Variants in SLC9A8 observed in about 807,000 individuals in gnomAD.
The protein encoded by SLC9A8 is sodium/hydrogen exchanger 8.
A neutral mutation model predicts 66.6 loss-of-function variants in SLC9A8; 48 were observed. The observed-to-expected ratio is 0.72, with a 90% CI of 0.57 to 0.92. The LOEUF is 0.92. SLC9A8 is among the 40% of genes least tolerant of loss of function. The probability of loss-of-function intolerance (pLI) is 0.00; values close to 1 mark genes in which losing one functional copy is unlikely to be tolerated. For missense variants in SLC9A8, 599 were observed against 747.3 expected (o/e 0.80, Z 2.31); for synonymous variants, 274 against 282.6 (o/e 0.97, Z 0.31).
intron 3 of SLC9A8, among the ~76,000 whole-genome samples, chr20:49,832,689 C>T (rs1371475534): frequency 1.3e-5 from 2 of 151,358 alleles, no homozygotes; most frequent in East Asian, 3.9e-4. Context: ...AGATGCCTGT[C>T]AGGTTTTTAG....
At position 49,874,691 on chromosome 20, in the gene SLC9A8, C is replaced by T. The variant is rs745651192; in HGVS notation, c.959-14C>T. The stretch of plus-strand genomic sequence containing the variant: ...ACACGGCAGTGCTTTCTGTTCTGTT[C>T]TCTCCCTCTCTAGGCATCATGGCCA... On this transcript the variant is annotated splice_polypyrimidine_tract_variant and intron_variant, in intron 10 of 15. Coordinates refer to ENST00000361573, the MANE Select transcript of SLC9A8 (RefSeq NM_015266.3). 2.0e-6 allele frequency: 3 copies of T among 1,490,128 alleles called. No homozygotes were observed. The highest frequency in any genetic ancestry group is 2.8e-6 in the Non-Finnish European group (3 of 1,067,156). The allele number at this position is 1,490,128 out of a possible 1,614,324, so 92.3% of individuals were successfully genotyped here.
At chr20:49,850,621 C>CT (rs1214849607) in intron 6 of SLC9A8, 189 bp from the exon 7 acceptor site, 4 of 600,484 alleles carry the variant, frequency 6.7e-6, no homozygotes, top group African/African-American at 3.7e-5. Flanking sequence ...TTTCCATACT[C>CT]TCGTTGCATG....
Position 49,812,869 on chromosome 20 carries a change from C to G in SLC9A8, c.-54C>G. On this transcript the variant is annotated 5_prime_UTR_variant, in exon 1 of 16. Transcript: ENST00000361573. ...CTCCAGCGGAAGCCGGAAGCAAAAG[C>G]GGGTCCTGCTAGCCCCGCGGCTCCG... 1 of 1,492,718 alleles carries G rather than the reference C, an allele frequency of 6.7e-7. No homozygotes were observed. The highest frequency in any genetic ancestry group is 1.5e-5 in the African/African-American group (1 of 68,728). The allele number at this position is 1,492,718 out of a possible 1,614,324, so 92.5% of individuals were successfully genotyped here. A position where few individuals can be genotyped will look rare whatever the true frequency, so the allele number is the denominator to read the frequency against.
At chr20:49,875,274 T>TAAAA (rs33958043) in intron 11 of SLC9A8, among the ~76,000 whole-genome samples, 1 of 123,276 alleles carries the variant, frequency 8.1e-6, no homozygotes, top group Non-Finnish European at 1.7e-5. Flanking sequence ...GCTATGATCT[T>TAAAA]AAAAAAAAAA....
At position 49,830,359 on chromosome 20, in the gene SLC9A8, G is replaced by A. The variant is rs537149161; in HGVS notation, c.289+7218G>A. On this transcript the variant is annotated intron_variant, in intron 3 of 15. Coordinates refer to ENST00000361573, the MANE Select transcript of SLC9A8 (RefSeq NM_015266.3). ...GATTTGTTCATCTAGGAGGGGGCCC[G>A]CCTGGGAAGAACCCCTGCTGAAGTC... The A allele has an allele frequency of 6.6e-4, 573 of 871,998 alleles. 3 individuals are homozygous for A. In the African/African-American group the frequency reaches 8.1e-3, roughly 12 times the overall value. The allele number at this position is 871,998 out of a possible 1,614,324, so 54.0% of individuals were successfully genotyped here.
chr20:49,829,658 G>C lies in SLC9A8; in HGVS notation c.289+6517G>C, dbSNP rs553186050. 1.9e-5 allele frequency: 9 copies of C among 467,076 alleles called. No homozygotes were observed. In the East Asian group the frequency reaches 4.5e-4, roughly 24 times the overall value. The allele number at this position is 467,076 out of a possible 1,614,324, so 28.9% of individuals were successfully genotyped here. ...AAGAGGAAATGATAAAGATTCACAAGGGTAAACTATTCCAGCAAGCGGTGG... is the reference window on the plus strand; with the variant it reads ...AAGAGGAAATGATAAAGATTCACAACGGTAAACTATTCCAGCAAGCGGTGG... On this transcript the variant is annotated intron_variant, in intron 3 of 15. Transcript: ENST00000361573.
intron 2 of SLC9A8, among the ~76,000 whole-genome samples, chr20:49,816,123 G>A (rs1340560970): frequency 6.6e-6 from 1 of 152,096 alleles, no homozygotes; most frequent in Non-Finnish European, 1.5e-5. Flanking sequence ...TTCACTCTCT[G>A]AAAACCTCAT....
Position 49,874,728 on chromosome 20 carries a change from G to C in SLC9A8, c.982G>C (p.Gly328Arg), listed in dbSNP as rs1329118844. ...LSGIMAILFS[G>R]IVMSHYTHHN... ...AGGCATCATGGCCATCCTTTTCTCA[G>C]GCATCGTGATGTCCCACTACACGCA... The change falls in exon 11 of 16, where the codon GGC (glycine) becomes CGC (arginine). Residue 328 changes from glycine (G) to arginine (R), a missense_variant. Coordinates refer to ENST00000361573, the MANE Select transcript of SLC9A8 (RefSeq NM_015266.3). 1 of 1,611,742 alleles carries C rather than the reference G, an allele frequency of 6.2e-7. No individual in the cohort carries two copies. The highest frequency in any genetic ancestry group is 8.5e-7 in the Non-Finnish European group (1 of 1,177,880).
chr20:49,831,333 CGAG>C lies in SLC9A8; in HGVS notation c.289+8197_289+8199del, dbSNP rs879226891. On this transcript the variant is annotated intron_variant, in intron 3 of 15. Coordinates refer to ENST00000361573, the MANE Select transcript of SLC9A8 (RefSeq NM_015266.3). The stretch of plus-strand genomic sequence containing the variant: ...CTTGAGCTGGGCACTGGCCTCCACA[CGAG>C]GAGGTGGCTGTGTGTGCACGCACAC... 5.9e-5 allele frequency among the ~76,000 whole-genome samples: 9 copies of C among 152,182 alleles called. No individual in the cohort carries two copies. The South Asian group carries it at 8.3e-4, about 14-fold the overall frequency.
At chr20:49,877,959 T>A in intron 11 of SLC9A8, 22 bp from the exon 12 acceptor site, 1 of 1,548,170 alleles carries the variant, frequency 6.5e-7, no homozygotes, top group Non-Finnish European at 8.8e-7. Context: ...GGTTGAATAA[T>A]CCATTCTTTG....
rs933784894 is a variant in SLC9A8 at position 49,888,009 on chromosome 20, C to A, written c.*73C>A. 2 of 1,204,166 alleles carry A rather than the reference C, an allele frequency of 1.7e-6. No homozygotes were observed. Among genetic ancestry groups the A allele is most frequent in the African/African-American group, 3.0e-5 (2 of 66,802 alleles). 74.6% of individuals were successfully genotyped at this position (1,204,166 alleles called of 1,614,324 possible). On this transcript the variant is annotated 3_prime_UTR_variant, in exon 16 of 16. Coordinates refer to ENST00000361573, the MANE Select transcript of SLC9A8 (RefSeq NM_015266.3). The stretch of plus-strand genomic sequence containing the variant: ...CTGCGCACAGACACTCAGCAGGGGC[C>A]TCGCAGAGATGCGTGCATCCAGCAG...
intron 14 of SLC9A8, among the ~76,000 whole-genome samples, chr20:49,884,335 CA>C (rs1203476674): frequency 4.8e-5 from 6 of 125,498 alleles, no homozygotes; most frequent in Non-Finnish European, 1.0e-4. Flanking sequence ...CACACACACA[CA>C]CCCCCCGGTC....
Position 49,839,596 on chromosome 20 carries a change from G to A in SLC9A8, c.345G>A (p.Trp115Ter). The A allele has an allele frequency of 6.2e-7, 1 of 1,600,026 alleles. No homozygotes were observed. Among genetic ancestry groups the A allele is most frequent in the Non-Finnish European group, 8.6e-7 (1 of 1,169,108 alleles). Reference sequence around the variant, plus strand: ...TAGAGTTTAAAAAACTGGCGAATTGGAAGGTAGGTTTGCCCTTTGGTTGTT... The same window carrying A: ...TAGAGTTTAAAAAACTGGCGAATTGAAAGGTAGGTTTGCCCTTTGGTTGTT... The part of the protein sequence containing the change: ...KIIEFKKLAN[W>*]KEEEMFRPNM... Residue 115 changes from tryptophan (W) to a stop codon, truncating the protein, a stop_gained, in exon 4 of 16, where the codon TGG (tryptophan) becomes TGA (stop). Coordinates refer to ENST00000361573, the MANE Select transcript of SLC9A8 (RefSeq NM_015266.3). LOFTEE classifies it high-confidence loss of function.
chr20:49,842,460 C>T (rs1011202817), intron 4 of SLC9A8, among the ~76,000 whole-genome samples: 1 of 152,212 alleles, frequency 6.6e-6, no homozygotes, highest in Non-Finnish European at 1.5e-5. Context: ...GTACAGATGC[C>T]TGCTGAAGCA....
intron 8 of SLC9A8, among the ~76,000 whole-genome samples, chr20:49,862,546 C>G (rs1034140565): frequency 3.9e-5 from 6 of 152,202 alleles, no homozygotes; most frequent in Non-Finnish European, 1.5e-5. Flanking sequence ...CAGGTGTGAG[C>G]CACCACGCCC....
chr20:49,842,145 C>G lies in SLC9A8; in HGVS notation c.348+2546C>G, dbSNP rs2087794427. 4.0e-5 allele frequency among the ~76,000 whole-genome samples: 6 copies of G among 151,716 alleles called. No homozygotes were observed. The South Asian group carries it at 1.2e-3, about 31-fold the overall frequency. On this transcript the variant is annotated intron_variant, in intron 4 of 15. Transcript: ENST00000361573. The stretch of plus-strand genomic sequence containing the variant: ...AGTGCAATGGCGTGGTCTCAGCTCA[C>G]TGCAACCTCCGCCTCCCAGGTTCAA...
At chr20:49,838,663 T>C (rs967841708) in intron 3 of SLC9A8, among the ~76,000 whole-genome samples, 13 of 152,132 alleles carry the variant, frequency 8.5e-5, no homozygotes, top group African/African-American at 2.9e-4. Context: ...GCTTCCATCT[T>C]CTCGTTGATG....
Position 49,834,382 on chromosome 20 carries a change from T to TACAC in SLC9A8, c.290-5157_290-5156insACAC, listed in dbSNP as rs1434014617. ...TATATATACTGTGTATATATATATA[T>TACAC]ACTGTGTATATATATATACTGTGTA... is the stretch of plus-strand genomic sequence containing the variant. On this transcript the variant is annotated intron_variant, in intron 3 of 15. Transcript: ENST00000361573. Among the ~76,000 whole-genome samples the TACAC allele has an allele frequency of 6.4e-3, 286 of 44,586 alleles. 17 individuals are homozygous for TACAC. The highest frequency in any genetic ancestry group is 0.012 in the African/African-American group (74 of 5,984). 29.3% of individuals were successfully genotyped at this position (44,586 alleles called of 152,430 possible).
At chr20:49,831,423 CTCTCTCTCTG>C (rs1439594175) in intron 3 of SLC9A8, among the ~76,000 whole-genome samples, 2 of 142,746 alleles carry the variant, frequency 1.4e-5, no homozygotes, top group Non-Finnish European at 3.2e-5. Context: ...CTCTCTCTCT[CTCTCTCTCTG>C]TCTCTCTCTC....
Sources: allele counts gnomAD v4.1 joint callset (sites outside exome capture counted in the v4.1 genomes callset), GRCh38; gene constraint gnomAD v4.1.1; transcripts MANE v1.5; gene names NCBI Gene and HGNC (gene_info 2026-07-23, HGNC 2026-07-21).